ZNF106: variants seen among roughly 807,000 people sequenced by gnomAD.
The protein encoded by ZNF106 is SH3-domain binding protein 3.
In ZNF106, 67 loss-of-function variants were observed where a neutral mutation model predicts 195.1. The ratio of observed to expected loss-of-function variants is 0.34; its 90% CI spans 0.28 to 0.42. The LOEUF (loss-of-function observed/expected upper bound fraction) is 0.42, where lower values mean the gene tolerates loss of function less well. ZNF106 is among the 10% of genes least tolerant of loss of function. The pLI is 1.00. For synonymous variants in ZNF106, 784 were observed against 818.6 expected, an observed-to-expected ratio of 0.96 and a Z score of 0.72; for missense variants, 2,118 against 2,304.5, an observed-to-expected ratio of 0.92 and a Z score of 1.66.
At position 42,439,469 on chromosome 15, in the gene ZNF106, T is replaced by C. The variant is rs199568994; in HGVS notation, c.4108A>G (p.Arg1370Gly). 23 of 1,613,684 alleles carry C rather than the reference T, an allele frequency of 1.4e-5. No individual in the cohort carries two copies. Among genetic ancestry groups the C allele is most frequent in the Non-Finnish European group, 8.5e-7 (1 of 1,179,958 alleles). The change falls in exon 11 of 22, where the codon AGG (arginine) becomes GGG (glycine). Residue 1370 changes from arginine (R) to glycine (G), a missense_variant. Transcript: ENST00000564754. Reference sequence around the variant, plus strand: ...AGTTTCTTCTTTTTCTTGCTTCCCCTAGTCTCAGCTGATGTCAAAGTGGAT... The same window carrying C: ...AGTTTCTTCTTTTTCTTGCTTCCCCCAGTCTCAGCTGATGTCAAAGTGGAT... ...AESTLTSAETRGSKKKKKLRK... is the reference protein window; with the variant it reads ...AESTLTSAETGGSKKKKKLRK...
At chr15:42,455,601 T>C (rs2056200199) in intron 4 of ZNF106, among the ~76,000 whole-genome samples, 1 of 152,206 alleles carries the variant, frequency 6.6e-6, no homozygotes, top group African/African-American at 2.4e-5. Context: ...GGGCTTCCTA[T>C]GTTGCCCAGG....
At chr15:42,471,020 C>T (rs1218614110) in intron 2 of ZNF106, among the ~76,000 whole-genome samples, 2 of 152,186 alleles carry the variant, frequency 1.3e-5, no homozygotes, top group African/African-American at 2.4e-5. Flanking sequence ...TTCAGTCTGG[C>T]ATCCAACACT....
At chr15:42,455,948 T>C (rs1260000107) in intron 4 of ZNF106, among the ~76,000 whole-genome samples, 1 of 152,204 alleles carries the variant, frequency 6.6e-6, no homozygotes, top group African/African-American at 2.4e-5. Flanking sequence ...TTAAACTCTT[T>C]AGACCAGAAA....
At chr15:42,434,047 A>G (rs1205363927) in intron 14 of ZNF106, among the ~76,000 whole-genome samples, 1 of 152,046 alleles carries the variant, frequency 6.6e-6, no homozygotes, top group African/African-American at 2.4e-5. Context: ...GGGTCTTGCT[A>G]TGTTGCCCAG....
intron 12 of ZNF106, among the ~76,000 whole-genome samples, 199 bp downstream of exon 12, chr15:42,438,413 A>G (rs1272781408): frequency 2.6e-5 from 4 of 152,178 alleles, no homozygotes; most frequent in Non-Finnish European, 4.4e-5. Flanking sequence ...AATCAGATAG[A>G]TGAGAATAAG....
At chr15:42,453,058 A>G (rs1392401618) in intron 4 of ZNF106, among the ~76,000 whole-genome samples, 1 of 152,170 alleles carries the variant, frequency 6.6e-6, no homozygotes, top group Non-Finnish European at 1.5e-5. Flanking sequence ...TTCCAGTTGT[A>G]GGTTCTTTCT....
intron 1 of ZNF106, among the ~76,000 whole-genome samples, chr15:42,475,367 A>G (rs935205722): frequency 1.4e-4 from 22 of 152,168 alleles, no homozygotes; most frequent in Non-Finnish European, 2.9e-4. Flanking sequence ...GCTTGAACCC[A>G]GGAGGCAGAG....
rs778696132 is a variant in ZNF106 at position 42,450,369 on chromosome 15, T to C, written c.1903A>G (p.Thr635Ala). The change falls in exon 5 of 22, where the codon ACA becomes GCA. Residue 635 changes from threonine (T) to alanine (A), a missense_variant. Coordinates refer to ENST00000564754, the MANE Select transcript of ZNF106 (RefSeq NM_001366845.3). ...TKIGTLGSATTELLSGSTRTA... is the reference protein window; with the variant it reads ...TKIGTLGSATAELLSGSTRTA... ...CGAGTGCTGCCAGATAACAATTCTG[T>C]AGTTGCAGAACCTAGGGTTCCAATT... 4 of 1,614,102 alleles carry C rather than the reference T, an allele frequency of 2.5e-6. No homozygotes were observed. Among genetic ancestry groups the C allele is most frequent in the East Asian group, 2.2e-5 (1 of 44,896 alleles).
Position 42,415,719 on chromosome 15 carries a change from T to A in ZNF106, c.*1585A>T, listed in dbSNP as rs1460768360. The A allele has an allele frequency of 5.6e-6, 1 of 179,450 alleles. No individual in the cohort carries two copies. The highest frequency in any genetic ancestry group is 1.2e-5 in the Non-Finnish European group (1 of 85,486). The allele number at this position is 179,450 out of a possible 1,614,324, so 11.1% of individuals were successfully genotyped here. A position where few individuals can be genotyped will look rare whatever the true frequency, so the allele number is the denominator to read the frequency against. ...TGGCCCTGGGCTCCTCCCCCAATTT[T>A]ATCTCTCTGAAGAAGCTGAGTTTTT... On this transcript the variant is annotated 3_prime_UTR_variant, in exon 22 of 22. Coordinates refer to ENST00000564754, the MANE Select transcript of ZNF106 (RefSeq NM_001366845.3).
At chr15:42,446,710 C>A (rs1317790022) in intron 6 of ZNF106, 52 bp from the exon 7 acceptor site, 14 of 1,440,242 alleles carry the variant, frequency 9.7e-6, no homozygotes, top group African/African-American at 1.4e-5. Flanking sequence ...AGCCATTATC[C>A]AAGAGGAGAA....
At chr15:42,427,202 A>G (rs1043806294) in intron 15 of ZNF106, among the ~76,000 whole-genome samples, 2 of 152,138 alleles carry the variant, frequency 1.3e-5, no homozygotes, top group African/African-American at 4.8e-5. Flanking sequence ...AGCTTCCACT[A>G]CAAAACCTCC....
At chr15:42,481,472 T>C (rs2056900561) in intron 1 of ZNF106, among the ~76,000 whole-genome samples, 1 of 150,748 alleles carries the variant, frequency 6.6e-6, no homozygotes, top group Non-Finnish European at 1.5e-5. Flanking sequence ...ATTCTCCCGC[T>C]TCAGCCTCCC....
chr15:42,458,791 CTT>C (rs920875351), intron 3 of ZNF106, among the ~76,000 whole-genome samples: 1 of 141,174 alleles, frequency 7.1e-6, no homozygotes. Flanking sequence ...AAGGTGTTTT[CTT>C]TTTTTTTTTA....
chr15:42,417,406 A>G lies in ZNF106; in HGVS notation c.5665-46T>C, dbSNP rs1193564898. 4 of 1,609,626 alleles carry G rather than the reference A, an allele frequency of 2.5e-6. No individual in the cohort carries two copies. The South Asian group carries it at 4.4e-5, about 18-fold the overall frequency. ...GCCCATGAGAGAGAAGTCGATAGTA[A>G]GACAGGAGAAAGTCAAAGCCAAGGA... On this transcript the variant is annotated intron_variant, in intron 21 of 21. Coordinates refer to ENST00000564754, the MANE Select transcript of ZNF106 (RefSeq NM_001366845.3).
intron 2 of ZNF106, among the ~76,000 whole-genome samples, chr15:42,470,642 C>A (rs557474935): frequency 6.6e-5 from 10 of 152,110 alleles, no homozygotes; most frequent in African/African-American, 1.9e-4. Flanking sequence ...ATGTTTGAAA[C>A]CAGAGTAGCA....
At chr15:42,464,522 CTTT>C (rs928173954) in intron 3 of ZNF106, among the ~76,000 whole-genome samples, 21 of 113,480 alleles carry the variant, frequency 1.9e-4, no homozygotes, top group East Asian at 2.6e-4. Flanking sequence ...ACACATGCTA[CTTT>C]TTTTTTTTTT....
intron 6 of ZNF106, 81 bp downstream of exon 6, chr15:42,447,990 GA>G: frequency 1.4e-6 from 2 of 1,467,970 alleles, no homozygotes; most frequent in South Asian, 1.4e-5. Context: ...AGATACCCAA[GA>G]AAAACAGTTG....
chr15:42,424,303 T>C (rs1272806714), intron 16 of ZNF106: 1 of 479,336 alleles, frequency 2.1e-6, no homozygotes, highest in African/African-American at 1.9e-5. Flanking sequence ...TGAAGCAGCC[T>C]AGAAGGGCAT....
chr15:42,465,829 T>C (rs2056502694), intron 3 of ZNF106, among the ~76,000 whole-genome samples: 1 of 152,264 alleles, frequency 6.6e-6, no homozygotes, highest in Non-Finnish European at 1.5e-5. Flanking sequence ...ATCTACTTGA[T>C]AGGGCTGCTG....
Sources: allele counts gnomAD v4.1 joint callset (sites outside exome capture counted in the v4.1 genomes callset), GRCh38; gene constraint gnomAD v4.1.1; transcripts MANE v1.5; gene names NCBI Gene and HGNC (gene_info 2026-07-23, HGNC 2026-07-21).